The following CACTIN variants were observed in gnomAD, a reference collection of about 807,000 sequenced individuals.
CACTIN encodes the protein splicing factor Cactin.
In CACTIN, 20 loss-of-function variants were observed where a neutral mutation model predicts 84.9. The observed-to-expected ratio is 0.24, with a 90% CI of 0.17 to 0.34. CACTIN has a LOEUF of 0.34. Among genes scored for constraint, CACTIN ranks in the 10% least tolerant of loss-of-function variants. CACTIN has a pLI of 1.00. For missense variants in CACTIN, 897 were observed against 1,117.2 expected, an observed-to-expected ratio of 0.80 and a Z score of 2.81; for synonymous variants, 549 against 467.9, an observed-to-expected ratio of 1.17 and a Z score of -2.24.
chr19:3,626,509 T>G (rs1216533123), intron 1 of CACTIN, 87 bp downstream of exon 1: 2 of 1,245,052 alleles, frequency 1.6e-6, no homozygotes, highest in African/African-American at 1.6e-5. Context: ...GTCGGGGGTT[T>G]CCCGGTTCCC....
chr19:3,618,928 G>T lies in CACTIN; in HGVS notation c.1109C>A (p.Thr370Asn). ...ADFWRDMTTITEDEISKLRKL... is the reference protein window; with the variant it reads ...ADFWRDMTTINEDEISKLRKL... ...GCGGAGCTTGGAGATCTCGTCCTCG[G>T]TGATGGTGGTCATGTCCCGCCAGAA... Residue 370 changes from threonine (T) to asparagine (N), a missense_variant, in exon 6 of 10, where the codon ACC (threonine) becomes AAC (asparagine). Around this residue, in one of 8 missense-constraint regions of CACTIN, gnomAD observed 304 missense variants for 444.3 expected, o/e 0.68. Coordinates refer to ENST00000429344, the MANE Select transcript of CACTIN (RefSeq NM_001080543.2). 1 of 1,560,482 alleles carries T rather than the reference G, an allele frequency of 6.4e-7. No homozygotes were observed. The highest frequency in any genetic ancestry group is 8.7e-7 in the Non-Finnish European group (1 of 1,152,104).
chr19:3,620,994 C>T (rs1318770934), intron 2 of CACTIN, 192 bp from the exon 3 acceptor site: 1 of 693,622 alleles, frequency 1.4e-6, no homozygotes, highest in East Asian at 2.7e-5. Context: ...GACATGGAGC[C>T]CCCACTGGGA....
chr19:3,612,482 C>T, intron 9 of CACTIN, 69 bp from the exon 10 acceptor site: 9 of 1,483,976 alleles, frequency 6.1e-6, no homozygotes, highest in Non-Finnish European at 8.0e-6. Flanking sequence ...CCTAGCCTCT[C>T]TGGCAGGGGC....
chr19:3,612,055 G>A lies in CACTIN; in HGVS notation c.2145C>T (p.Pro715=), dbSNP rs367649148. The stretch of plus-strand genomic sequence containing the variant: ...CGATCTTGAAAGCGATGTCCTCGTA[G>A]GGCGGCCCCGCGTGGAAGCGCAGGA... The part of the protein sequence containing the change: ...FAILRFHAGP[P]YEDIAFKIVN... Residue 715 remains proline, a synonymous_variant, in exon 10 of 10, where the codon CCC becomes CCT. Coordinates refer to ENST00000429344, the MANE Select transcript of CACTIN (RefSeq NM_001080543.2). The A allele has an allele frequency of 1.2e-6, 2 of 1,613,742 alleles. No homozygotes were observed. The highest frequency in any genetic ancestry group is 2.7e-5 in the African/African-American group (2 of 74,950).
In CACTIN at chr19:3,614,215, C is replaced by T. The variant is rs570120585; in HGVS notation, c.1355+182G>A. On this transcript the variant is annotated intron_variant, in intron 7 of 9. Coordinates refer to ENST00000429344, the MANE Select transcript of CACTIN (RefSeq NM_001080543.2). ...GCCTTCCCGCTAGGGCACGGGACTACGCGCCCCCCGGCCCCCCTTCGTCAC... is the reference window on the plus strand; with the variant it reads ...GCCTTCCCGCTAGGGCACGGGACTATGCGCCCCCCGGCCCCCCTTCGTCAC... Among the ~76,000 whole-genome samples the T allele has an allele frequency of 8.6e-4, 122 of 141,732 alleles. 2 individuals are homozygous for T. Among genetic ancestry groups the T allele is most frequent in the South Asian group, 1.9e-3 (9 of 4,776 alleles). 93.0% of individuals were successfully genotyped at this position (141,732 alleles called of 152,430 possible).
At chr19:3,613,777 C>T (rs902144584) in intron 7 of CACTIN, 191 bp from the exon 8 acceptor site, 1 of 711,694 alleles carries the variant, frequency 1.4e-6, no homozygotes, top group African/African-American at 1.8e-5. Flanking sequence ...GACGAGAGGA[C>T]GCAGGTACCC....
At chr19:3,621,152 C>A (rs768262587) in intron 2 of CACTIN, 9 of 408,626 alleles carry the variant, frequency 2.2e-5, no homozygotes, top group Non-Finnish European at 3.7e-5. Context: ...CCTGCTGACT[C>A]GCTTTACCCG....
In CACTIN at chr19:3,612,102, C is replaced by T. The variant is rs756257561; in HGVS notation, c.2098G>A (p.Ala700Thr). Residue 700 changes from alanine to threonine, a missense_variant, in exon 10 of 10, where the codon GCC becomes ACC. Transcript: ENST00000429344. ...AGGATGGCGAAATCCTTGTTGTCGG[C>T]GCAGGCCTCCAGGAAGTACTCGGGC... ...STPEYFLEACADNKDFAILRF... is the reference protein window; with the variant it reads ...STPEYFLEACTDNKDFAILRF... 6.8e-6 allele frequency: 11 copies of T among 1,613,682 alleles called. No individual in the cohort carries two copies. The highest frequency in any genetic ancestry group is 2.7e-5 in the African/African-American group (2 of 74,942).
chr19:3,616,570 C>T (rs1187119589), intron 6 of CACTIN: 1 of 152,092 alleles, frequency 6.6e-6, no homozygotes, highest in Non-Finnish European at 1.5e-5. Context: ...GAACACACCA[C>T]TGCACTCCAG....
Position 3,614,548 on chromosome 19 carries a change from C to T in CACTIN, c.1204G>A (p.Val402Met). ...EGVNASVSSD[V>M]QSVFKGKTYN... ...GTCTTCCCCTTGAACACCGACTGCACATCAGAGCTGACGGAGGCGTTGACC... is the reference window on the plus strand; with the variant it reads ...GTCTTCCCCTTGAACACCGACTGCATATCAGAGCTGACGGAGGCGTTGACC... The change falls in exon 7 of 10, where the codon GTG (valine) becomes ATG (methionine). Residue 402 changes from valine to methionine, a missense_variant. Around this residue, in one of 8 missense-constraint regions of CACTIN, gnomAD observed 304 missense variants for 444.3 expected, o/e 0.68. Transcript: ENST00000429344. 6.2e-7 allele frequency: 1 copy of T among 1,609,158 alleles called. No homozygotes were observed. Among genetic ancestry groups the T allele is most frequent in the Non-Finnish European group, 8.5e-7 (1 of 1,177,994 alleles).
chr19:3,613,050 G>A lies in CACTIN; in HGVS notation c.1786+8C>T. ...GCCCCACCCCCTGGCCTCCAGCCCC[G>A]CCCTTACCCGTGACCTGGAGCTGCT... On this transcript the variant is annotated splice_region_variant and intron_variant, in intron 9 of 9. Coordinates refer to ENST00000429344, the MANE Select transcript of CACTIN (RefSeq NM_001080543.2). The A allele has an allele frequency of 3.6e-6, 3 of 826,422 alleles. No homozygotes were observed. The highest frequency in any genetic ancestry group is 5.4e-5 in the East Asian group (1 of 18,542). The allele number at this position is 826,422 out of a possible 1,614,324, so 51.2% of individuals were successfully genotyped here.
Position 3,615,004 on chromosome 19 carries a change from A to C in CACTIN, c.1163-415T>G. On this transcript the variant is annotated intron_variant, in intron 6 of 9. Transcript: ENST00000429344. The surrounding 1 kb of genome is among the most constrained non-coding windows in gnomAD (Gnocchi z 5.2). The stretch of plus-strand genomic sequence containing the variant: ...GAGGGGGTTGGGGGGTGTGCTCGGT[A>C]GCCAGGCTCTCTGGAATTCAGATCT... 1 of 271,690 alleles carries C rather than the reference A, an allele frequency of 3.7e-6. No individual in the cohort carries two copies. The allele number at this position is 271,690 out of a possible 1,614,324, so 16.8% of individuals were successfully genotyped here. A position where few individuals can be genotyped will look rare whatever the true frequency, so the allele number is the denominator to read the frequency against.
rs991299737 is a variant in CACTIN, at chr19:3,618,422, G to A, written c.1162+453C>T. Among the ~76,000 whole-genome samples, 8 of 151,426 alleles carry A rather than the reference G, an allele frequency of 5.3e-5. No homozygotes were observed. In the East Asian group the frequency reaches 5.8e-4, roughly 11 times the overall value. On this transcript the variant is annotated intron_variant, in intron 6 of 9. Transcript: ENST00000429344. The stretch of plus-strand genomic sequence containing the variant: ...GGTGACCATGTGTGTGCAACCACAC[G>A]GAGGGGGGGGAAACGTGATTTTAAA...
chr19:3,612,738 C>G (rs773506193), intron 9 of CACTIN: 146 of 697,332 alleles, frequency 2.1e-4, no homozygotes, highest in South Asian at 1.1e-3. Context: ...CCGAGGGGGT[C>G]CTGGCCCAGG....
intron 1 of CACTIN, among the ~76,000 whole-genome samples, chr19:3,625,404 A>T (rs148322406): frequency 6.6e-6 from 1 of 152,182 alleles, no homozygotes; most frequent in African/African-American, 2.4e-5. Flanking sequence ...AATACCAGAA[A>T]ATGGTAGGCG....
At chr19:3,618,179 G>GGGGA (rs1440160784) in intron 6 of CACTIN, among the ~76,000 whole-genome samples, 1 of 31,184 alleles carries the variant, frequency 3.2e-5, no homozygotes, top group African/African-American at 8.6e-5. Flanking sequence ...TTTTAGACCG[G>GGGGA]GGGGGGGGGG....
chr19:3,612,589 C>G (rs916755095), intron 9 of CACTIN, among the ~76,000 whole-genome samples, 176 bp from the exon 10 acceptor site: 13 of 152,328 alleles, frequency 8.5e-5, no homozygotes, highest in Non-Finnish European at 1.6e-4. Context: ...CCCACACCAT[C>G]CGCCCCGAGC....
chr19:3,625,716 G>A (rs2033319333), intron 1 of CACTIN, among the ~76,000 whole-genome samples: 1 of 152,230 alleles, frequency 6.6e-6, no homozygotes, highest in Non-Finnish European at 1.5e-5. Flanking sequence ...GACAGAGCAA[G>A]ACTCCGTCTC....
At chr19:3,620,349 G>A in intron 3 of CACTIN, 77 bp from the exon 4 acceptor site, 2 of 1,453,008 alleles carry the variant, frequency 1.4e-6, no homozygotes, top group East Asian at 2.5e-5. Flanking sequence ...GTGATGATGG[G>A]GGCCCAGCCT....
Sources: allele counts gnomAD v4.1 joint callset (sites outside exome capture counted in the v4.1 genomes callset), GRCh38; gene constraint gnomAD v4.1.1; regional missense constraint gnomAD v4.1.1; non-coding constraint Gnocchi (gnomAD v3.1); transcripts MANE v1.5; gene names NCBI Gene and HGNC (gene_info 2026-07-23, HGNC 2026-07-21).